SHLD2: variants seen among roughly 807,000 people sequenced by gnomAD.
The protein encoded by SHLD2 is RINN1-REV7-interacting novel NHEJ regulator 2.
In SHLD2, 30 loss-of-function variants were observed where a neutral mutation model predicts 73.2. The ratio of observed to expected loss-of-function variants is 0.41; its 90% CI spans 0.31 to 0.56. The LOEUF (loss-of-function observed/expected upper bound fraction) is 0.56. SHLD2 is among the 20% of genes least tolerant of loss of function. The pLI is 0.28. For missense variants in SHLD2, 745 were observed against 1,055.9 expected, an observed-to-expected ratio of 0.71 and a Z score of 4.08; for synonymous variants, 285 against 370.1, an observed-to-expected ratio of 0.77 and a Z score of 2.64.
intron 2 of SHLD2, among the ~76,000 whole-genome samples, chr10:87,098,505 C>A (rs1337328881): frequency 1.4e-5 from 2 of 147,060 alleles, no homozygotes; most frequent in Non-Finnish European, 3.0e-5. Context: ...AAGAATGAAA[C>A]TCCATCTCAA....
At chr10:87,105,959 A>G (rs1453881296) in intron 2 of SHLD2, among the ~76,000 whole-genome samples, 2 of 152,198 alleles carry the variant, frequency 1.3e-5, no homozygotes, top group Non-Finnish European at 2.9e-5. Flanking sequence ...GTACAGGCAG[A>G]CTGTGCCAGC....
At chr10:87,113,263 G>T (rs1228636732) in intron 2 of SHLD2, among the ~76,000 whole-genome samples, 1 of 152,180 alleles carries the variant, frequency 6.6e-6, no homozygotes, top group African/African-American at 2.4e-5. Flanking sequence ...GGTAGAGGTT[G>T]CAGTGAGCCG....
At position 87,186,921 on chromosome 10, in the gene SHLD2, A is replaced by C. The variant is rs549949571; in HGVS notation, c.2400-164A>C. 1.9e-3 allele frequency among the ~76,000 whole-genome samples: 283 copies of C among 152,130 alleles called. 7 individuals carry two copies. The South Asian group carries it at 0.043, about 23-fold the overall frequency. The stretch of plus-strand genomic sequence containing the variant: ...TTGAAGCTCTTGGGGAAAAAAAAAA[A>C]CCTTTTTTTCCTTCTAGGATGTCAC... On this transcript the variant is annotated intron_variant, in intron 8 of 9. Coordinates refer to ENST00000298786, the MANE Select transcript of SHLD2 (RefSeq NM_001330112.2).
chr10:87,095,797 G>C (rs1231631357), intron 1 of SHLD2, among the ~76,000 whole-genome samples: 1 of 152,212 alleles, frequency 6.6e-6, no homozygotes, highest in Non-Finnish European at 1.5e-5. Flanking sequence ...CCGGCGCGGT[G>C]GCTCACGCCT....
chr10:87,118,932 TC>T (rs1368025918), intron 2 of SHLD2, among the ~76,000 whole-genome samples: 2 of 152,178 alleles, frequency 1.3e-5, no homozygotes, highest in Admixed American at 1.3e-4. Flanking sequence ...ACTTGTTTCT[TC>T]CTCTAAAAAG....
chr10:87,112,033 C>A (rs955970336), intron 2 of SHLD2, among the ~76,000 whole-genome samples: 2 of 151,168 alleles, frequency 1.3e-5, no homozygotes, highest in African/African-American at 4.9e-5. Flanking sequence ...GTCAGGAGAT[C>A]GAGACCATCC....
Position 87,171,219 on chromosome 10 carries a change from T to A in SHLD2, c.1963+245T>A, listed in dbSNP as rs117800846. Among the ~76,000 whole-genome samples, 297 of 152,350 alleles carry A rather than the reference T, an allele frequency of 1.9e-3. 4 individuals carry two copies. The East Asian group carries it at 0.049, about 25-fold the overall frequency. On this transcript the variant is annotated intron_variant, in intron 6 of 9. Transcript: ENST00000298786. Reference sequence around the variant, plus strand: ...GTCTTAAATTTATTCCCAGGTATACTACTTTACCCTTTTAGTGAAGATCTT... The same window carrying A: ...GTCTTAAATTTATTCCCAGGTATACAACTTTACCCTTTTAGTGAAGATCTT...
intron 3 of SHLD2, among the ~76,000 whole-genome samples, chr10:87,153,533 G>T (rs563155996): frequency 2.8e-4 from 42 of 152,222 alleles, no homozygotes; most frequent in African/African-American, 9.9e-4. Flanking sequence ...GAAAAAACTG[G>T]TATTATACCA....
At chr10:87,100,720 C>T (rs913886931) in intron 2 of SHLD2, among the ~76,000 whole-genome samples, 2 of 152,110 alleles carry the variant, frequency 1.3e-5, no homozygotes, top group African/African-American at 2.4e-5. Context: ...CCAGGTGATC[C>T]GCCCGCCTCG....
intron 1 of SHLD2, among the ~76,000 whole-genome samples, chr10:87,096,244 T>A (rs1320129925): frequency 6.6e-6 from 1 of 151,928 alleles, no homozygotes. Flanking sequence ...GGGGTTTCGC[T>A]GTGCTGGCCA....
At chr10:87,136,118 A>G (rs1589520247) in intron 2 of SHLD2, among the ~76,000 whole-genome samples, 1 of 151,880 alleles carries the variant, frequency 6.6e-6, no homozygotes, top group East Asian at 1.9e-4. Flanking sequence ...AAATATTAGT[A>G]TGGACTTATG....
chr10:87,161,671 CA>C (rs1416113766), intron 4 of SHLD2, among the ~76,000 whole-genome samples: 1 of 152,164 alleles, frequency 6.6e-6, no homozygotes, highest in Non-Finnish European at 1.5e-5. Flanking sequence ...GATGACTCAA[CA>C]TTATAATGAT....
chr10:87,161,608 A>G (rs1846822876), intron 4 of SHLD2, among the ~76,000 whole-genome samples: 1 of 152,228 alleles, frequency 6.6e-6, no homozygotes, highest in African/African-American at 2.4e-5. Flanking sequence ...TAAACACTCC[A>G]GAAAGAAATG....
chr10:87,189,383 T>C (rs1446506457), intron 9 of SHLD2, among the ~76,000 whole-genome samples: 1 of 152,280 alleles, frequency 6.6e-6, no homozygotes, highest in African/African-American at 2.4e-5. Context: ...CTTCAGTGTT[T>C]TGTCCATTCT....
chr10:87,179,062 A>T, intron 7 of SHLD2, among the ~76,000 whole-genome samples: 1 of 152,218 alleles, frequency 6.6e-6, no homozygotes, highest in African/African-American at 2.4e-5. Context: ...AAGCCTTTAA[A>T]TTGACTATGG....
intron 4 of SHLD2, among the ~76,000 whole-genome samples, chr10:87,164,478 C>T (rs1262802641): frequency 6.6e-6 from 1 of 151,900 alleles, no homozygotes; most frequent in African/African-American, 2.4e-5. Flanking sequence ...GTCTCGGACT[C>T]CTGGGCTTCA....
intron 2 of SHLD2, among the ~76,000 whole-genome samples, chr10:87,140,260 A>T (rs1308271936): frequency 1.3e-5 from 2 of 151,774 alleles, no homozygotes. Context: ...TCTCTACTAA[A>T]AATACAAAAA....
At chr10:87,107,202 C>G (rs1842656913) in intron 2 of SHLD2, among the ~76,000 whole-genome samples, 1 of 151,784 alleles carries the variant, frequency 6.6e-6, no homozygotes, top group Non-Finnish European at 1.5e-5. Flanking sequence ...CACCAGAGGT[C>G]AGAAGTTCAG....
At chr10:87,148,744 AAAAAT>A (rs1000169748) in intron 2 of SHLD2, among the ~76,000 whole-genome samples, 6 of 152,292 alleles carry the variant, frequency 3.9e-5, no homozygotes, top group Admixed American at 3.3e-4. Context: ...CCCTAACTCA[AAAAAT>A]AAAATAAAAT....
Sources: gnomAD v4.1 joint callset for allele counts (sites outside exome capture counted in the v4.1 genomes callset) on GRCh38, gnomAD v4.1.1 for gene constraint, MANE v1.5 for transcripts, NCBI Gene and HGNC (gene_info 2026-07-23, HGNC 2026-07-21) for gene names.